Variants in VAT1L observed in about 807,000 individuals in gnomAD.
VAT1L encodes the protein vesicle amine transport 1 like.
VAT1L carries 34 observed loss-of-function variants against 44.1 expected under a neutral mutation model. That is an observed-to-expected ratio of 0.77 (90% CI 0.59 to 1.03). The LOEUF is 1.03. Ranked by LOEUF, VAT1L falls within the 50% of genes least tolerant of loss-of-function variation. The pLI, the probability that VAT1L is intolerant of heterozygous loss-of-function variation, is 0.00. For synonymous variants in VAT1L, 253 were observed against 202.2 expected, an observed-to-expected ratio of 1.25 and a Z score of -2.13; for missense variants, 615 against 538.8, an observed-to-expected ratio of 1.14 and a Z score of -1.40.
intron 1 of VAT1L, among the ~76,000 whole-genome samples, chr16:77,810,002 G>T (rs546286085): frequency 1.2e-4 from 18 of 151,986 alleles, no homozygotes; most frequent in Non-Finnish European, 2.5e-4. Flanking sequence ...AATTTTTTTT[G>T]ATGAAAGAAT....
At chr16:77,868,868 T>C (rs2017002248) in intron 4 of VAT1L, among the ~76,000 whole-genome samples, 1 of 152,156 alleles carries the variant, frequency 6.6e-6, no homozygotes, top group South Asian at 2.1e-4. Context: ...CTCTACCCAT[T>C]AGATGCCAGT....
chr16:77,870,775 T>C (rs913841110), intron 4 of VAT1L, among the ~76,000 whole-genome samples: 1 of 152,202 alleles, frequency 6.6e-6, no homozygotes, highest in African/African-American at 2.4e-5. Flanking sequence ...TAATCATACA[T>C]ATGCAGGCAG....
intron 4 of VAT1L, among the ~76,000 whole-genome samples, chr16:77,863,839 T>C (rs569343559): frequency 1.3e-5 from 2 of 152,252 alleles, no homozygotes; most frequent in South Asian, 4.1e-4. Flanking sequence ...AAAGACCATG[T>C]ACACCAATCC....
intron 7 of VAT1L, among the ~76,000 whole-genome samples, chr16:77,894,851 A>G (rs1285994579): frequency 1.3e-5 from 2 of 152,028 alleles, no homozygotes. Flanking sequence ...GGAGATGGGG[A>G]AGAGGCACAG....
chr16:77,820,175 GT>G (rs1270570921), intron 2 of VAT1L, among the ~76,000 whole-genome samples: 2 of 152,064 alleles, frequency 1.3e-5, no homozygotes, highest in Non-Finnish European at 2.9e-5. Context: ...TTCTTTCATG[GT>G]TTCAAGAGGA....
intron 7 of VAT1L, among the ~76,000 whole-genome samples, chr16:77,912,166 T>C (rs2017505847): frequency 6.6e-6 from 1 of 152,166 alleles, no homozygotes. Context: ...TGAGTTAAAG[T>C]CCTGACTCTA....
intron 7 of VAT1L, among the ~76,000 whole-genome samples, chr16:77,928,881 A>C (rs2017698234): frequency 6.6e-6 from 1 of 151,954 alleles, no homozygotes; most frequent in African/African-American, 2.4e-5. Flanking sequence ...CAGTGGTGCA[A>C]TCTCAGCTCA....
At chr16:77,913,108 T>C (rs1007067390) in intron 7 of VAT1L, among the ~76,000 whole-genome samples, 2 of 152,212 alleles carry the variant, frequency 1.3e-5, no homozygotes, top group African/African-American at 2.4e-5. Flanking sequence ...GTTTCTCCGA[T>C]CCCCTTTGCT....
intron 3 of VAT1L, among the ~76,000 whole-genome samples, chr16:77,832,903 T>G (rs184290446): frequency 1.1e-4 from 17 of 152,314 alleles, no homozygotes; most frequent in African/African-American, 3.8e-4. Flanking sequence ...CTGAAGGATT[T>G]GGACATGCAA....
At position 77,884,638 on chromosome 16, in the gene VAT1L, A is replaced by T; in HGVS notation, c.913A>T (p.Lys305Ter). ...GCAGGTGGAGAAGGTGAACCCCATC[A>T]AGCTGTATGAGGAGAACAAAGTCAT... ...WWQVEKVNPI[K>*]LYEENKVIAG... The change falls in exon 7 of 9, where the codon AAG (lysine) becomes TAG (stop). Residue 305 changes from lysine to a stop codon, truncating the protein, a stop_gained. Coordinates refer to ENST00000302536, the MANE Select transcript of VAT1L (RefSeq NM_020927.3). LOFTEE classifies it high-confidence loss of function. This position sits in a 1 kb window ranked among gnomAD's most constrained non-coding sequence, Gnocchi z 4.5. 4.3e-6 allele frequency: 7 copies of T among 1,613,586 alleles called. No homozygotes were observed. The highest frequency in any genetic ancestry group is 5.9e-6 in the Non-Finnish European group (7 of 1,179,868).
intron 2 of VAT1L, among the ~76,000 whole-genome samples, chr16:77,823,932 A>G (rs1056704355): frequency 3.3e-5 from 5 of 152,220 alleles, no homozygotes; most frequent in African/African-American, 1.2e-4. Flanking sequence ...CTGAGACAGG[A>G]CAATCGCTTG....
chr16:77,962,661 C>T (rs756811635), intron 7 of VAT1L, among the ~76,000 whole-genome samples: 9 of 149,828 alleles, frequency 6.0e-5, no homozygotes, highest in African/African-American at 7.4e-5. Flanking sequence ...GGCAGGAGGA[C>T]GGCTTCAATC....
In VAT1L at chr16:77,947,296, TGAA is replaced by T. The variant is rs1253330702; in HGVS notation, c.1078-24550_1078-24548del. On this transcript the variant is annotated intron_variant, in intron 7 of 8. Transcript: ENST00000302536. ...TACCTCAGATCTCATGTCTCCTTGA[TGAA>T]GAATCTTTGAAAGCATAGGTCATTT... 3.3e-5 allele frequency among the ~76,000 whole-genome samples: 5 copies of T among 152,316 alleles called. No individual in the cohort carries two copies. The East Asian group carries it at 9.7e-4, about 29-fold the overall frequency.
chr16:77,974,855 C>T (rs1285230243), intron 8 of VAT1L, among the ~76,000 whole-genome samples: 3 of 152,134 alleles, frequency 2.0e-5, no homozygotes, highest in Non-Finnish European at 4.4e-5. Context: ...AGACATGAGA[C>T]ACTGTACCGG....
Position 77,977,665 on chromosome 16 carries a change from GAAC to G in VAT1L, c.1233_1235del (p.Asn411del). 1.2e-6 allele frequency: 2 copies of G among 1,614,082 alleles called. No homozygotes were observed. The highest frequency in any genetic ancestry group is 1.7e-6 in the Non-Finnish European group (2 of 1,179,968). ...AGGAGGACCACGAGGGAGACAGCGA[GAAC>G]AAGGAGCGGATGCCCTTTATCCAGT... On this transcript the variant is annotated inframe_deletion, in exon 9 of 9. Transcript: ENST00000302536.
At chr16:77,888,106 C>T (rs72794888) in intron 7 of VAT1L, among the ~76,000 whole-genome samples, 2,674 of 152,300 alleles carry the variant, frequency 0.018, 38 homozygotes, top group Non-Finnish European at 0.03. Context: ...CAGGTCTCAG[C>T]CTCAGTATGA....
intron 7 of VAT1L, among the ~76,000 whole-genome samples, chr16:77,956,624 G>A (rs1346431977): frequency 6.6e-6 from 1 of 152,102 alleles, no homozygotes; most frequent in African/African-American, 2.4e-5. Flanking sequence ...ATGGGCATCT[G>A]GTGACTCTCA....
intron 5 of VAT1L, among the ~76,000 whole-genome samples, chr16:77,877,585 T>C (rs1326053480): frequency 3.4e-5 from 5 of 145,818 alleles, no homozygotes; most frequent in African/African-American, 5.0e-5. Context: ...TATTTGAAGC[T>C]AGATGGCATA....
chr16:77,918,176 T>C (rs1452652111), intron 7 of VAT1L, among the ~76,000 whole-genome samples: 1 of 152,202 alleles, frequency 6.6e-6, no homozygotes, highest in Non-Finnish European at 1.5e-5. Context: ...TTTCTCTCAC[T>C]GACACTCACC....
Sources: allele counts gnomAD v4.1 joint callset (sites outside exome capture counted in the v4.1 genomes callset), GRCh38; gene constraint gnomAD v4.1.1; non-coding constraint Gnocchi (gnomAD v3.1); transcripts MANE v1.5; gene names NCBI Gene and HGNC (gene_info 2026-07-23, HGNC 2026-07-21).